CCNI: variants seen among roughly 807,000 people sequenced by gnomAD.
The protein encoded by CCNI is cyclin-I.
A neutral mutation model predicts 34.1 loss-of-function variants in CCNI; 14 were observed. The ratio of observed to expected loss-of-function variants is 0.41; its 90% CI spans 0.27 to 0.64. The LOEUF is 0.64. CCNI is among the 30% of genes least tolerant of loss of function. The pLI, the probability that CCNI is intolerant of heterozygous loss-of-function variation, is 0.31. For missense variants in CCNI, 385 were observed against 440.5 expected (o/e 0.87, Z 1.13); for synonymous variants, 154 against 158.4 (o/e 0.97, Z 0.21).
Position 77,048,211 on chromosome 4 carries a change from T to C in CCNI, c.*8A>G, listed in dbSNP as rs1252230304. The C allele has an allele frequency of 6.2e-7, 1 of 1,608,080 alleles. No homozygotes were observed. Among genetic ancestry groups the C allele is most frequent in the South Asian group, 1.1e-5 (1 of 90,618 alleles). Reference sequence around the variant, plus strand: ...TTAGTTTACACTCAAAGGTAGCACTTGTTGAAACTACATGACAGAAACAGG... The same window carrying C: ...TTAGTTTACACTCAAAGGTAGCACTCGTTGAAACTACATGACAGAAACAGG... On this transcript the variant is annotated 3_prime_UTR_variant, in exon 7 of 7. Transcript: ENST00000237654.
chr4:77,055,304 G>T lies in CCNI; in HGVS notation c.536C>A (p.Ala179Glu), dbSNP rs1335656110. The change falls in exon 6 of 7, where the codon GCA (alanine) becomes GAA (glutamate). Residue 179 changes from alanine (A) to glutamate (E), a missense_variant. Transcript: ENST00000237654. ...LPKLSPSQHLAVLTKQLLHCM... is the reference protein window; with the variant it reads ...LPKLSPSQHLEVLTKQLLHCM... ...GTGAAGTAGTTGCTTGGTAAGGACTGCCAAATGTTGAGATGGGCTCAATTT... is the reference window on the plus strand; with the variant it reads ...GTGAAGTAGTTGCTTGGTAAGGACTTCCAAATGTTGAGATGGGCTCAATTT... The T allele has an allele frequency of 1.2e-5, 19 of 1,614,062 alleles. No homozygotes were observed. The highest frequency in any genetic ancestry group is 1.7e-5 in the Admixed American group (1 of 60,004).
chr4:77,049,509 TCTA>T (rs561209894), intron 6 of CCNI, among the ~76,000 whole-genome samples: 16 of 152,214 alleles, frequency 1.1e-4, no homozygotes, highest in South Asian at 2.1e-4. Context: ...AAACCCCTTC[TCTA>T]CTAAAAATAC....
chr4:77,057,441 G>T (rs1289834098), intron 3 of CCNI, among the ~76,000 whole-genome samples: 1 of 152,162 alleles, frequency 6.6e-6, no homozygotes, highest in Non-Finnish European at 1.5e-5. Context: ...CTTAAGAGTA[G>T]AAGTTTGAGC....
At chr4:77,072,883 T>A (rs1399531248) in intron 1 of CCNI, among the ~76,000 whole-genome samples, 2 of 152,176 alleles carry the variant, frequency 1.3e-5, no homozygotes, top group Admixed American at 1.3e-4. Context: ...AGGGTCATAA[T>A]GTATGTTCCA....
chr4:77,067,295 C>T (rs1244610721), intron 1 of CCNI, among the ~76,000 whole-genome samples: 1 of 151,976 alleles, frequency 6.6e-6, no homozygotes, highest in Non-Finnish European at 1.5e-5. Context: ...ACTTCAATAA[C>T]CAGATGTGGC....
chr4:77,061,891 G>A (rs183517651), intron 2 of CCNI, among the ~76,000 whole-genome samples: 268 of 152,078 alleles, frequency 1.8e-3, no homozygotes, highest in African/African-American at 6.2e-3. Context: ...GGATAGTCTC[G>A]ATCTCCTGAC....
At chr4:77,075,289 A>C (rs1729823008) in intron 1 of CCNI, 183 bp downstream of exon 1, 1 of 152,442 alleles carries the variant, frequency 6.6e-6, no homozygotes, top group African/African-American at 2.4e-5. Context: ...TGGGCCGGAG[A>C]GGACGAAGAG....
In CCNI at chr4:77,048,086, ATTTT is replaced by A. The variant is rs145183332; in HGVS notation, c.*129_*132del. ...TAGCCACACAAATAATGAGAGTTTT[ATTTT>A]TTTTTTCTGGCTCACTCCAAATCAG... On this transcript the variant is annotated 3_prime_UTR_variant, in exon 7 of 7. Transcript: ENST00000237654. The A allele has an allele frequency of 2.0e-6, 1 of 488,846 alleles. No individual in the cohort carries two copies. The highest frequency in any genetic ancestry group is 3.6e-5 in the Admixed American group (1 of 27,694). 30.3% of individuals were successfully genotyped at this position (488,846 alleles called of 1,614,324 possible).
chr4:77,058,338 A>C (rs1728375601), intron 3 of CCNI, among the ~76,000 whole-genome samples, 169 bp downstream of exon 3: 3 of 152,170 alleles, frequency 2.0e-5, no homozygotes, highest in African/African-American at 7.2e-5. Context: ...AATAAAAATA[A>C]AATAAACAAT....
At position 77,075,468 on chromosome 4, in the gene CCNI, T is replaced by G; in HGVS notation, c.-44+4A>C. The G allele has an allele frequency of 5.2e-4, 169 of 327,034 alleles. No individual in the cohort carries two copies. Among genetic ancestry groups the G allele is most frequent in the Middle Eastern group, 1.6e-3 (2 of 1,220 alleles). The allele number at this position is 327,034 out of a possible 1,614,324, so 20.3% of individuals were successfully genotyped here. On this transcript the variant is annotated splice_donor_region_variant and intron_variant, in intron 1 of 6. Coordinates refer to ENST00000237654, the MANE Select transcript of CCNI (RefSeq NM_006835.3). ...GAGCCCCCGCCCCCGCCCCCGCCCC[T>G]CACCTTCTCCTCCTCTTCCTCCTCC...
chr4:77,048,681 A>C lies in CCNI; in HGVS notation c.691-19T>G. Reference sequence around the variant, plus strand: ...TATCCATCTGGGCCAGGAAAAAAAAAAAGCCACACACAGTTGATCATTAAT... The same window carrying C: ...TATCCATCTGGGCCAGGAAAAAAAACAAGCCACACACAGTTGATCATTAAT... On this transcript the variant is annotated intron_variant, in intron 6 of 6. Coordinates refer to ENST00000237654, the MANE Select transcript of CCNI (RefSeq NM_006835.3). 6.6e-7 allele frequency: 1 copy of C among 1,504,014 alleles called. No individual in the cohort carries two copies. The allele number at this position is 1,504,014 out of a possible 1,614,324, so 93.2% of individuals were successfully genotyped here. A position where few individuals can be genotyped will look rare whatever the true frequency, so the allele number is the denominator to read the frequency against.
At chr4:77,061,754 C>T (rs1008733598) in intron 2 of CCNI, among the ~76,000 whole-genome samples, 3 of 152,170 alleles carry the variant, frequency 2.0e-5, no homozygotes, top group Admixed American at 1.3e-4. Context: ...ACTGCAAGCT[C>T]CGCCTCCCAG....
chr4:77,071,133 T>A (rs531574661), intron 1 of CCNI, among the ~76,000 whole-genome samples: 1 of 152,190 alleles, frequency 6.6e-6, no homozygotes, highest in Non-Finnish European at 1.5e-5. Context: ...AAGAGACACA[T>A]AAAGTAGAAT....
At chr4:77,056,721 C>G (rs997892219) in intron 3 of CCNI, among the ~76,000 whole-genome samples, 62 of 151,738 alleles carry the variant, frequency 4.1e-4, no homozygotes, top group African/African-American at 1.5e-3. Flanking sequence ...TCCCAAGTAG[C>G]TGCTACTACA....
In CCNI at chr4:77,075,534, G is replaced by A; in HGVS notation, c.-106C>T. The A allele has an allele frequency of 1.0e-6, 1 of 988,516 alleles. No homozygotes were observed. Among genetic ancestry groups the A allele is most frequent in the Non-Finnish European group, 1.2e-6 (1 of 830,648 alleles). The allele number at this position is 988,516 out of a possible 1,614,324, so 61.2% of individuals were successfully genotyped here. A position where few individuals can be genotyped will look rare whatever the true frequency, so the allele number is the denominator to read the frequency against. ...GAGCTGTAGGCCTCACAGTGGTGAC[G>A]CGGGGTCATCCGGGGGCCCGTTACC... On this transcript the variant is annotated 5_prime_UTR_variant, in exon 1 of 7. Coordinates refer to ENST00000237654, the MANE Select transcript of CCNI (RefSeq NM_006835.3).
Position 77,075,668 on chromosome 4 carries a change from C to A in CCNI, c.-240G>T. On this transcript the variant is annotated 5_prime_UTR_variant, in exon 1 of 7. Coordinates refer to ENST00000237654, the MANE Select transcript of CCNI (RefSeq NM_006835.3). ...GGGCGCGGGCGCGGGCGCTGGCGCT[C>A]GAGCGGGACGCACGGCTGCGGCCGC... 1 of 619,750 alleles carries A rather than the reference C, an allele frequency of 1.6e-6. No individual in the cohort carries two copies. The highest frequency in any genetic ancestry group is 2.0e-6 in the Non-Finnish European group (1 of 495,736). 38.4% of individuals were successfully genotyped at this position (619,750 alleles called of 1,614,324 possible). A position where few individuals can be genotyped will look rare whatever the true frequency, so the allele number is the denominator to read the frequency against.
chr4:77,067,087 C>A (rs999182794), intron 1 of CCNI, among the ~76,000 whole-genome samples: 3 of 152,070 alleles, frequency 2.0e-5, no homozygotes, highest in African/African-American at 7.2e-5. Context: ...CAAAAATTAA[C>A]TGGGCATGGT....
At chr4:77,050,969 A>G (rs1344372972) in intron 6 of CCNI, among the ~76,000 whole-genome samples, 2 of 152,220 alleles carry the variant, frequency 1.3e-5, no homozygotes, top group Admixed American at 6.5e-5. Context: ...AAAAGATAAC[A>G]AAACCCAACA....
intron 1 of CCNI, among the ~76,000 whole-genome samples, chr4:77,071,781 A>T (rs1177539637): frequency 6.6e-6 from 1 of 152,214 alleles, no homozygotes; most frequent in Admixed American, 6.5e-5. Flanking sequence ...ACAAAATACC[A>T]AAACTTAGGA....
Sources: allele counts gnomAD v4.1 joint callset (sites outside exome capture counted in the v4.1 genomes callset), GRCh38; gene constraint gnomAD v4.1.1; transcripts MANE v1.5; gene names NCBI Gene and HGNC (gene_info 2026-07-23, HGNC 2026-07-21).